The following AIG1 variants were observed in gnomAD, a reference collection of about 807,000 sequenced individuals.
The protein encoded by AIG1 is androgen-induced gene 1 protein.
Under a neutral mutation model 31.4 loss-of-function variants are expected in AIG1, and 23 were observed. The ratio of observed to expected loss-of-function variants is 0.73; its 90% CI spans 0.53 to 1.04. AIG1 has a LOEUF of 1.04. AIG1 is among the 50% of genes least tolerant of loss of function. The pLI is 0.00. For missense variants in AIG1, 274 were observed against 295.0 expected, an observed-to-expected ratio of 0.93 and a Z score of 0.52; for synonymous variants, 100 against 110.5, an observed-to-expected ratio of 0.90 and a Z score of 0.60.
At chr6:143,085,159 G>GCA in intron 1 of AIG1, among the ~76,000 whole-genome samples, 1 of 152,166 alleles carries the variant, frequency 6.6e-6, no homozygotes, top group Middle Eastern at 3.4e-3. Context: ...AGTCTGAGAG[G>GCA]GAAAAAGGTA....
chr6:143,099,798 T>G (rs1780089827), intron 1 of AIG1, among the ~76,000 whole-genome samples: 1 of 152,234 alleles, frequency 6.6e-6, no homozygotes, highest in Non-Finnish European at 1.5e-5. Context: ...TAATTTGGTC[T>G]TGTCACTGAT....
At chr6:143,337,729 T>C (rs1777611751) in intron 5 of AIG1, among the ~76,000 whole-genome samples, 1 of 152,098 alleles carries the variant, frequency 6.6e-6, no homozygotes, top group Non-Finnish European at 1.5e-5. Flanking sequence ...GTGCAGGTCA[T>C]TTCCCCCCAG....
At chr6:143,312,965 C>T (rs1730480684) in intron 4 of AIG1, among the ~76,000 whole-genome samples, 1 of 152,056 alleles carries the variant, frequency 6.6e-6, no homozygotes, top group Non-Finnish European at 1.5e-5. Context: ...TGCTCAACAT[C>T]ACTGATCATT....
chr6:143,336,775 C>T (rs1465658342), intron 5 of AIG1, among the ~76,000 whole-genome samples: 1 of 152,204 alleles, frequency 6.6e-6, no homozygotes, highest in Non-Finnish European at 1.5e-5. Context: ...ATGCGTGACA[C>T]TCAGGGTATG....
At chr6:143,084,779 G>T (rs59855563) in intron 1 of AIG1, among the ~76,000 whole-genome samples, 12,242 of 152,064 alleles carry the variant, frequency 0.081, 1,505 homozygotes, top group African/African-American at 0.27. Flanking sequence ...TAATTTATAG[G>T]CTTTCTCCTA....
intron 4 of AIG1, among the ~76,000 whole-genome samples, chr6:143,313,358 A>G (rs1157109043): frequency 6.6e-6 from 1 of 152,208 alleles, no homozygotes; most frequent in African/African-American, 2.4e-5. Context: ...TACACAATGG[A>G]GTACTACTCA....
chr6:143,283,336 A>G (rs1797473669), intron 3 of AIG1, among the ~76,000 whole-genome samples: 1 of 152,200 alleles, frequency 6.6e-6, no homozygotes, highest in Non-Finnish European at 1.5e-5. Flanking sequence ...GTCTAAATTC[A>G]TGCACTACTG....
Position 143,256,076 on chromosome 6 carries a change from A to G in AIG1, c.400-28034A>G, listed in dbSNP as rs1795358301. On this transcript the variant is annotated intron_variant, in intron 3 of 5. Coordinates refer to ENST00000357847, the MANE Select transcript of AIG1 (RefSeq NM_016108.4). This position sits in a 1 kb window ranked among gnomAD's most constrained non-coding sequence, Gnocchi z 4.6. ...GGCTTAGGTGCTTGAGCAAATATAT[A>G]AAACTTTATAAATCAAATTTCTGAG... Among the ~76,000 whole-genome samples, 1 of 152,210 alleles carries G rather than the reference A, an allele frequency of 6.6e-6. No individual in the cohort carries two copies. Among genetic ancestry groups the G allele is most frequent in the Non-Finnish European group, 1.5e-5 (1 of 68,022 alleles).
chr6:143,165,165 G>T lies in AIG1; in HGVS notation c.381G>T (p.Gly127=). The stretch of plus-strand genomic sequence containing the variant: ...AGCTGCTGGATAATTTTATCCCAGG[G>T]TGGCTGAATCACGGAATGGTGAGTG... ...YPKLLDNFIP[G]WLNHGMHTTV... is the part of the protein sequence containing the mutation. Residue 127 remains glycine, a synonymous_variant, in exon 3 of 6, where the codon GGG becomes GGT. Coordinates refer to ENST00000357847, the MANE Select transcript of AIG1 (RefSeq NM_016108.4). 6.2e-7 allele frequency: 1 copy of T among 1,613,126 alleles called. No individual in the cohort carries two copies. The highest frequency in any genetic ancestry group is 8.5e-7 in the Non-Finnish European group (1 of 1,179,236).
chr6:143,253,160 C>T (rs1419574609), intron 3 of AIG1, among the ~76,000 whole-genome samples: 2 of 152,180 alleles, frequency 1.3e-5, no homozygotes, highest in Non-Finnish European at 2.9e-5. Context: ...GCATGAATAC[C>T]GAGCACTTGG....
intron 3 of AIG1, among the ~76,000 whole-genome samples, chr6:143,186,500 T>C (rs1333014138): frequency 1.3e-5 from 2 of 152,240 alleles, no homozygotes; most frequent in African/African-American, 2.4e-5. Flanking sequence ...GCTCTGGTAA[T>C]ATAGCTAATT....
chr6:143,104,875 G>A (rs564648849), intron 1 of AIG1, among the ~76,000 whole-genome samples: 1 of 151,832 alleles, frequency 6.6e-6, no homozygotes, highest in Non-Finnish European at 1.5e-5. Context: ...CTCCAGCCTG[G>A]GTTACAGAGC....
intron 2 of AIG1, among the ~76,000 whole-genome samples, chr6:143,161,109 T>A (rs1786334133): frequency 6.6e-6 from 1 of 152,150 alleles, no homozygotes; most frequent in African/African-American, 2.4e-5. Flanking sequence ...GATGGAATAG[T>A]AAGAACAATT....
At chr6:143,146,179 G>A (rs1177018231) in intron 2 of AIG1, among the ~76,000 whole-genome samples, 1 of 151,920 alleles carries the variant, frequency 6.6e-6, no homozygotes, top group Non-Finnish European at 1.5e-5. Context: ...TCATTTCACA[G>A]AGTTCCTACT....
intron 3 of AIG1, among the ~76,000 whole-genome samples, chr6:143,243,281 T>C (rs1794381624): frequency 1.3e-5 from 2 of 152,206 alleles, no homozygotes; most frequent in Admixed American, 1.3e-4. Flanking sequence ...ATTCACCACT[T>C]ATCTAAAACA....
chr6:143,210,553 GTGTA>G (rs1326522802), intron 3 of AIG1, among the ~76,000 whole-genome samples: 4 of 152,198 alleles, frequency 2.6e-5, no homozygotes, highest in African/African-American at 9.6e-5. Flanking sequence ...AGAAAACAAA[GTGTA>G]AACCCTCTGT....
rs1292054902 is a variant in AIG1, at chr6:143,237,347, A to G, written c.400-46763A>G. Among the ~76,000 whole-genome samples, 4 of 152,272 alleles carry G rather than the reference A, an allele frequency of 2.6e-5. No homozygotes were observed. In the East Asian group the frequency reaches 7.7e-4, roughly 29 times the overall value. On this transcript the variant is annotated intron_variant, in intron 3 of 5. Transcript: ENST00000357847. ...CAATTTATTCTATAATGTCTCATGA[A>G]GAAGTCTTGTCTCATGAAGCTTATA...
chr6:143,074,170 A>C (rs1299772003), intron 1 of AIG1, among the ~76,000 whole-genome samples: 1 of 152,026 alleles, frequency 6.6e-6, no homozygotes, highest in African/African-American at 2.4e-5. Flanking sequence ...GTTTGCAAAT[A>C]TTTTTCCCAA....
At chr6:143,225,371 C>T (rs1792868539) in intron 3 of AIG1, among the ~76,000 whole-genome samples, 1 of 151,870 alleles carries the variant, frequency 6.6e-6, no homozygotes. Context: ...AGATAATTCA[C>T]ACATGAGAGG....
Sources: gnomAD v4.1 joint callset for allele counts (sites outside exome capture counted in the v4.1 genomes callset) on GRCh38, gnomAD v4.1.1 for gene constraint, Gnocchi (gnomAD v3.1) non-coding constraint, MANE v1.5 for transcripts, NCBI Gene and HGNC (gene_info 2026-07-23, HGNC 2026-07-21) for gene names.